BANK1: variants seen among roughly 807,000 people sequenced by gnomAD.
BANK1 encodes B cell scaffold protein with ankyrin repeats 1, also known as B-cell scaffold protein with ankyrin repeats.
BANK1 carries 95 observed loss-of-function variants against 94.5 expected under a neutral mutation model. The ratio of observed to expected loss-of-function variants is 1.00; its 90% confidence interval spans 0.85 to 1.19. The LOEUF is 1.19. Among genes scored for constraint, BANK1 ranks in the 50% most tolerant of loss-of-function variants. The probability of loss-of-function intolerance (pLI) is 0.00; values close to 1 mark genes in which losing one functional copy is unlikely to be tolerated. For missense variants in BANK1, 987 were observed against 932.2 expected (o/e 1.06, Z -0.77); for synonymous variants, 334 against 308.4 (o/e 1.08, Z -0.87).
intron 7 of BANK1, among the ~76,000 whole-genome samples, chr4:102,019,719 A>T (rs1726826116): frequency 6.6e-6 from 1 of 152,202 alleles, no homozygotes. Context: ...TAGATCTGGC[A>T]TGTTTTTCAA....
At chr4:101,819,156 G>C (rs1437188809) in intron 1 of BANK1, among the ~76,000 whole-genome samples, 1 of 152,006 alleles carries the variant, frequency 6.6e-6, no homozygotes, top group Non-Finnish European at 1.5e-5. Context: ...TACCATGGTG[G>C]TATTTTCAGT....
intron 2 of BANK1, among the ~76,000 whole-genome samples, chr4:101,851,693 T>C (rs1727482015): frequency 6.6e-6 from 1 of 152,212 alleles, no homozygotes; most frequent in Non-Finnish European, 1.5e-5. Context: ...GGAAAAAAAT[T>C]GCTGGAGTTA....
At chr4:101,966,732 G>C (rs571086892) in intron 7 of BANK1, among the ~76,000 whole-genome samples, 9 of 151,938 alleles carry the variant, frequency 5.9e-5, no homozygotes, top group Non-Finnish European at 1.3e-4. Flanking sequence ...CAACTTCAAG[G>C]ATAAGAAATA....
intron 6 of BANK1, among the ~76,000 whole-genome samples, chr4:101,897,947 A>G (rs1232422871): frequency 1.3e-5 from 2 of 151,954 alleles, no homozygotes; most frequent in Non-Finnish European, 2.9e-5. Flanking sequence ...CTATAATTTA[A>G]TGGTAATTTT....
At chr4:101,962,163 C>G (rs554122803) in intron 7 of BANK1, among the ~76,000 whole-genome samples, 11 of 152,268 alleles carry the variant, frequency 7.2e-5, no homozygotes, top group Admixed American at 6.5e-4. Flanking sequence ...ATCAATAACT[C>G]TATGTCAATC....
chr4:101,898,786 A>G (rs1490528946), intron 6 of BANK1, among the ~76,000 whole-genome samples: 1 of 152,038 alleles, frequency 6.6e-6, no homozygotes, highest in Non-Finnish European at 1.5e-5. Context: ...CCATGTCAAT[A>G]GGTCTTGGTC....
At position 101,916,187 on chromosome 4, in the gene BANK1, A is replaced by G. The variant is rs1722825147; in HGVS notation, c.1010-1806A>G. Among the ~76,000 whole-genome samples the G allele has an allele frequency of 1.1e-4, 16 of 151,986 alleles. 1 individual carries two copies. Among genetic ancestry groups the G allele is most frequent in the Admixed American group, 1.1e-3 (16 of 15,218 alleles). On this transcript the variant is annotated intron_variant, in intron 6 of 16. Transcript: ENST00000322953. Reference sequence around the variant, plus strand: ...TATAATTTTGACCCCCAACCCTTTCATTTCATAAATTAGGAAACTGAGGTC... The same window carrying G: ...TATAATTTTGACCCCCAACCCTTTCGTTTCATAAATTAGGAAACTGAGGTC...
At chr4:101,951,035 G>A (rs1284459106) in intron 7 of BANK1, among the ~76,000 whole-genome samples, 1 of 152,088 alleles carries the variant, frequency 6.6e-6, no homozygotes, top group African/African-American at 2.4e-5. Flanking sequence ...GTAGTATCCT[G>A]GATGGAACCT....
At chr4:102,045,054 A>G (rs1457869498) in intron 11 of BANK1, among the ~76,000 whole-genome samples, 8 of 151,642 alleles carry the variant, frequency 5.3e-5, no homozygotes, top group Non-Finnish European at 1.0e-4. Flanking sequence ...CCATTTGTCA[A>G]TTTTGGCTTT....
chr4:101,815,674 T>C (rs894943531), intron 1 of BANK1, among the ~76,000 whole-genome samples: 2 of 152,106 alleles, frequency 1.3e-5, no homozygotes, highest in South Asian at 4.1e-4. Context: ...AATTAATAGG[T>C]TTTAAAATGT....
chr4:101,919,715 T>C (rs908253699), intron 7 of BANK1, among the ~76,000 whole-genome samples: 2 of 152,030 alleles, frequency 1.3e-5, no homozygotes, highest in Non-Finnish European at 2.9e-5. Flanking sequence ...TATTTCTGCC[T>C]GAATGTCTAC....
intron 10 of BANK1, chr4:102,032,238 G>A (rs1378018150): frequency 6.6e-6 from 1 of 152,162 alleles, no homozygotes; most frequent in Non-Finnish European, 1.5e-5. Flanking sequence ...TGCCTAGGGA[G>A]TTTCTCAGGA....
At chr4:101,902,855 G>A (rs998454575) in intron 6 of BANK1, among the ~76,000 whole-genome samples, 1 of 152,234 alleles carries the variant, frequency 6.6e-6, no homozygotes, top group Admixed American at 6.5e-5. Flanking sequence ...TGGAAGAGGT[G>A]TATGAGCCCT....
chr4:101,836,808 A>G (rs967058111), intron 2 of BANK1, among the ~76,000 whole-genome samples: 1 of 152,234 alleles, frequency 6.6e-6, no homozygotes, highest in African/African-American at 2.4e-5. Flanking sequence ...TCAAGAGGTT[A>G]AAAGAAAGGG....
chr4:101,796,824 A>G (rs1422571376), intron 1 of BANK1, among the ~76,000 whole-genome samples: 1 of 152,166 alleles, frequency 6.6e-6, no homozygotes, highest in Non-Finnish European at 1.5e-5. Context: ...TGAGGCATAC[A>G]TTAGTGAGAG....
Position 101,988,986 on chromosome 4 carries a change from C to A in BANK1, c.1207-32528C>A, listed in dbSNP as rs139097307. Among the ~76,000 whole-genome samples, 709 of 152,216 alleles carry A rather than the reference C, an allele frequency of 4.7e-3. 14 individuals are homozygous for A. In the East Asian group the frequency reaches 0.056, roughly 12 times the overall value. On this transcript the variant is annotated intron_variant, in intron 7 of 16. Transcript: ENST00000322953. ...ATCTTATATAACATTCTTTATATAA[C>A]ATTATATAACATTCCTTATATAACA...
chr4:102,004,805 A>G (rs555063042), intron 7 of BANK1, among the ~76,000 whole-genome samples: 50 of 152,306 alleles, frequency 3.3e-4, no homozygotes, highest in African/African-American at 1.1e-3. Context: ...CCCTCACAGC[A>G]TAGAAAGCAA....
chr4:101,857,757 T>G (rs1362896614), intron 3 of BANK1, among the ~76,000 whole-genome samples: 1 of 152,218 alleles, frequency 6.6e-6, no homozygotes, highest in African/African-American at 2.4e-5. Context: ...TTGTCCTATT[T>G]ATGTAAGTTA....
intron 11 of BANK1, among the ~76,000 whole-genome samples, chr4:102,056,257 CA>C (rs1201609879): frequency 6.6e-6 from 1 of 151,976 alleles, no homozygotes; most frequent in Non-Finnish European, 1.5e-5. Context: ...TGATCATACT[CA>C]AAAATTATAT....
Sources: gnomAD v4.1 joint callset for allele counts (sites outside exome capture counted in the v4.1 genomes callset) on GRCh38, gnomAD v4.1.1 for gene constraint, MANE v1.5 for transcripts, NCBI Gene and HGNC (gene_info 2026-07-23, HGNC 2026-07-21) for gene names.